The following GRIK2 variants were observed in gnomAD, a reference collection of about 807,000 sequenced individuals.
The protein encoded by GRIK2 is glutamate ionotropic receptor kainate type subunit 2, also known as glutamate receptor ionotropic, kainate 2.
In GRIK2, 32 loss-of-function variants were observed where a neutral mutation model predicts 100.3. The observed-to-expected ratio is 0.32, with a 90% CI of 0.24 to 0.43. The LOEUF (loss-of-function observed/expected upper bound fraction) is 0.43. GRIK2 is among the 20% of genes least tolerant of loss of function. GRIK2 has a pLI of 1.00. For missense variants in GRIK2, 843 were observed against 1,114.9 expected, an observed-to-expected ratio of 0.76 and a Z score of 3.47; for synonymous variants, 417 against 389.4, an observed-to-expected ratio of 1.07 and a Z score of -0.83.
chr6:101,921,964 TA>T (rs751718402), intron 12 of GRIK2, among the ~76,000 whole-genome samples: 2 of 152,148 alleles, frequency 1.3e-5, no homozygotes, highest in Non-Finnish European at 2.9e-5. Flanking sequence ...TATTTTAATT[TA>T]AATATCAATT....
At chr6:101,502,380 GAC>G (rs1368071356) in intron 2 of GRIK2, among the ~76,000 whole-genome samples, 1 of 151,930 alleles carries the variant, frequency 6.6e-6, no homozygotes, top group East Asian at 1.9e-4. Context: ...GTTAACTTTA[GAC>G]ACATTTAAAT....
intron 2 of GRIK2, among the ~76,000 whole-genome samples, chr6:101,416,279 A>G (rs1203285380): frequency 1.3e-5 from 2 of 152,170 alleles, no homozygotes; most frequent in Non-Finnish European, 2.9e-5. Flanking sequence ...AGTTTTCTAC[A>G]ATTGTAGGCT....
intron 12 of GRIK2, among the ~76,000 whole-genome samples, chr6:101,900,767 A>G (rs992148068): frequency 2.0e-5 from 3 of 152,058 alleles, no homozygotes; most frequent in Non-Finnish European, 4.4e-5. Context: ...TTATATCTTG[A>G]TGGTAGCTGT....
At chr6:101,858,352 C>T (rs183257258) in intron 10 of GRIK2, among the ~76,000 whole-genome samples, 1 of 147,974 alleles carries the variant, frequency 6.8e-6, no homozygotes, top group African/African-American at 2.5e-5. Flanking sequence ...TGATAAAGAT[C>T]ACTTTCTTCC....
intron 2 of GRIK2, among the ~76,000 whole-genome samples, chr6:101,588,667 C>CGCACACACAT (rs1166280467): frequency 1.4e-5 from 2 of 144,746 alleles, no homozygotes; most frequent in East Asian, 3.9e-4. Flanking sequence ...CACACGCACA[C>CGCACACACAT]GCACACACAC....
At chr6:101,768,414 A>G (rs1778173366) in intron 7 of GRIK2, among the ~76,000 whole-genome samples, 1 of 152,132 alleles carries the variant, frequency 6.6e-6, no homozygotes, top group Non-Finnish European at 1.5e-5. Context: ...ACCTTTTTCT[A>G]GCACCTAATC....
At position 101,690,841 on chromosome 6, in the gene GRIK2, C is replaced by CT. The variant is rs141339274; in HGVS notation, c.951+4489dup. The stretch of plus-strand genomic sequence containing the variant: ...TGTTTGGCATATTCCTACTCATACT[C>CT]TAATTTTCAGGTTTTCTGTTACCTT... On this transcript the variant is annotated intron_variant, in intron 7 of 16. Transcript: ENST00000369134. Among the ~76,000 whole-genome samples the CT allele has an allele frequency of 2.0e-5, 3 of 152,252 alleles. No individual in the cohort carries two copies. In the East Asian group the frequency reaches 5.8e-4, roughly 29 times the overall value.
chr6:101,764,512 G>A (rs1426932136), intron 7 of GRIK2, among the ~76,000 whole-genome samples: 2 of 152,128 alleles, frequency 1.3e-5, no homozygotes, highest in Middle Eastern at 3.4e-3. Flanking sequence ...AGAGAATGAA[G>A]AAATATGTGA....
intron 2 of GRIK2, among the ~76,000 whole-genome samples, chr6:101,620,656 A>G (rs1357200986): frequency 6.6e-6 from 1 of 152,178 alleles, no homozygotes; most frequent in Admixed American, 6.5e-5. Context: ...CTTATTCAAG[A>G]AAGTTTAATT....
chr6:101,560,182 A>C (rs1033749709), intron 2 of GRIK2, among the ~76,000 whole-genome samples: 1 of 152,148 alleles, frequency 6.6e-6, no homozygotes, highest in Non-Finnish European at 1.5e-5. Context: ...ACTCGCCTCC[A>C]TCAGACGAGT....
chr6:101,799,769 G>A lies in GRIK2; in HGVS notation c.1073G>A (p.Arg358His), dbSNP rs560817419. The change falls in exon 8 of 17, where the codon CGC becomes CAC. Residue 358 changes from arginine to histidine, a missense_variant. This residue lies in a region of GRIK2 where 519 missense variants were observed against 643.8 expected (regional missense o/e 0.81). Transcript: ENST00000369134. ...CATAAACCCTGGCGCTTCGGGACCCGCTTTATGAGTCTAATTAAAGAGGTA... is the reference window on the plus strand; with the variant it reads ...CATAAACCCTGGCGCTTCGGGACCCACTTTATGAGTCTAATTAAAGAGGTA... The part of the protein sequence containing the change: ...NRHKPWRFGT[R>H]FMSLIKEAHW... The A allele has an allele frequency of 1.4e-5, 22 of 1,613,148 alleles. No individual in the cohort carries two copies. Among genetic ancestry groups the A allele is most frequent in the South Asian group, 2.2e-5 (2 of 91,046 alleles).
At chr6:101,608,521 C>T (rs898630616) in intron 2 of GRIK2, among the ~76,000 whole-genome samples, 4 of 151,440 alleles carry the variant, frequency 2.6e-5, no homozygotes, top group African/African-American at 9.7e-5. Flanking sequence ...AAATTGCTTG[C>T]TCAAAGATTA....
At chr6:101,698,537 G>A (rs968036003) in intron 7 of GRIK2, among the ~76,000 whole-genome samples, 6 of 151,932 alleles carry the variant, frequency 3.9e-5, no homozygotes, top group Non-Finnish European at 7.4e-5. Flanking sequence ...GAACCAGAAG[G>A]GGAAAGTGAA....
chr6:101,405,763 A>G (rs556959136), intron 2 of GRIK2, among the ~76,000 whole-genome samples: 2 of 152,244 alleles, frequency 1.3e-5, no homozygotes, highest in Admixed American at 1.3e-4. Flanking sequence ...GTGAAAGTCA[A>G]GCCTCAGTCA....
intron 14 of GRIK2, among the ~76,000 whole-genome samples, chr6:101,945,562 G>T (rs954883655): frequency 6.6e-6 from 1 of 152,066 alleles, no homozygotes; most frequent in African/African-American, 2.4e-5. Flanking sequence ...CTTAATCTAA[G>T]TAATCAGTAA....
At chr6:101,770,510 G>T (rs963680254) in intron 7 of GRIK2, among the ~76,000 whole-genome samples, 3 of 152,142 alleles carry the variant, frequency 2.0e-5, no homozygotes, top group Admixed American at 2.0e-4. Flanking sequence ...TTATGTCCTG[G>T]TTGGTGATTT....
intron 14 of GRIK2, among the ~76,000 whole-genome samples, chr6:102,017,216 A>G (rs979526944): frequency 6.6e-6 from 1 of 152,126 alleles, no homozygotes. Context: ...ATAATAAACA[A>G]CTGAAAACAT....
chr6:102,051,502 G>A (rs554314455), intron 15 of GRIK2, among the ~76,000 whole-genome samples: 25 of 152,108 alleles, frequency 1.6e-4, no homozygotes, highest in Admixed American at 1.2e-3. Context: ...GAAGATTCAA[G>A]GCCTAATTTG....
At chr6:101,548,633 A>G (rs1354154565) in intron 2 of GRIK2, among the ~76,000 whole-genome samples, 1 of 152,114 alleles carries the variant, frequency 6.6e-6, no homozygotes, top group Admixed American at 6.5e-5. Context: ...ATAGTTGTAG[A>G]TATGTGGCAT....
Sources: allele counts gnomAD v4.1 joint callset (sites outside exome capture counted in the v4.1 genomes callset), GRCh38; gene constraint gnomAD v4.1.1; regional missense constraint gnomAD v4.1.1; transcripts MANE v1.5; gene names NCBI Gene and HGNC (gene_info 2026-07-23, HGNC 2026-07-21).